MYOM3: variants seen among roughly 807,000 people sequenced by gnomAD.
The protein encoded by MYOM3 is myomesin-3.
MYOM3 carries 155 observed loss-of-function variants against 191.7 expected under a neutral mutation model. The observed-to-expected ratio is 0.81, with a 90% CI of 0.71 to 0.92. MYOM3 has a LOEUF of 0.92. Among genes scored for constraint, MYOM3 ranks in the 40% least tolerant of loss-of-function variants. The probability of loss-of-function intolerance (pLI) is 0.00; values close to 1 mark genes in which losing one functional copy is unlikely to be tolerated. For missense variants in MYOM3, 1,889 were observed against 1,890.6 expected (o/e 1.00, Z 0.02); for synonymous variants, 757 against 762.9 (o/e 0.99, Z 0.13).
chr1:24,108,255 C>T (rs1644004479), intron 2 of MYOM3, 182 bp from the exon 3 acceptor site: 4 of 753,680 alleles, frequency 5.3e-6, no homozygotes, highest in East Asian at 2.8e-5. Context: ...TGCTTCCCTC[C>T]TCAAACAGGG....
rs1368100820 is a variant in MYOM3 at position 24,075,362 on chromosome 1, G to A, written c.2815C>T (p.Pro939Ser). ...EFQWSKDYKG[P>S]LDPQRVKIED... ...ATCTTGACCCTCTGGGGGTCCAGTG[G>A]GCCCTTGTAGTCTTTGGACCACTGA... Residue 939 changes from proline (P) to serine (S), a missense_variant, in exon 22 of 37, where the codon CCA becomes TCA. Physicochemically the swap from Pro to Ser is moderately conservative, Grantham distance 74 (BLOSUM62 -1). Transcript: ENST00000374434. 6.2e-7 allele frequency: 1 copy of A among 1,612,876 alleles called. No homozygotes were observed.
intron 32 of MYOM3, among the ~76,000 whole-genome samples, chr1:24,062,723 T>C (rs4648931): frequency 6.6e-6 from 1 of 151,992 alleles, no homozygotes; most frequent in Non-Finnish European, 1.5e-5. Context: ...GTTTGCTAAG[T>C]CTGCAGAGGC....
intron 16 of MYOM3, chr1:24,084,058 G>A (rs980490718): frequency 5.3e-6 from 1 of 187,484 alleles, no homozygotes; most frequent in Non-Finnish European, 1.1e-5. Context: ...AGGAAGAGGG[G>A]TGATCTGGTT....
chr1:24,057,293 T>G lies in MYOM3; in HGVS notation c.*71A>C, dbSNP rs1643313259. Reference sequence around the variant, plus strand: ...CCCACCCCTGTAGCCTGTGCCAGGCTGTGACCCTGGTACAGGTTGTCCCTA... The same window carrying G: ...CCCACCCCTGTAGCCTGTGCCAGGCGGTGACCCTGGTACAGGTTGTCCCTA... On this transcript the variant is annotated 3_prime_UTR_variant, in exon 37 of 37. Coordinates refer to ENST00000374434, the MANE Select transcript of MYOM3 (RefSeq NM_152372.4). 2 of 1,514,644 alleles carry G rather than the reference T, an allele frequency of 1.3e-6. No individual in the cohort carries two copies. The highest frequency in any genetic ancestry group is 1.8e-5 in the Admixed American group (1 of 56,550). The allele number at this position is 1,514,644 out of a possible 1,614,324, so 93.8% of individuals were successfully genotyped here.
rs1277901904 is a variant in MYOM3, at chr1:24,106,970, G to A, written c.402+103C>T. 5.0e-6 allele frequency: 6 copies of A among 1,210,738 alleles called. No homozygotes were observed. In the Admixed American group the frequency reaches 1.6e-4, roughly 33 times the overall value. The allele number at this position is 1,210,738 out of a possible 1,614,324, so 75.0% of individuals were successfully genotyped here. ...GCATCAGATGCAGACCCAAAGCCTG[G>A]ACTCTGCCCTGGATGTCCCGCCTCT... On this transcript the variant is annotated intron_variant, in intron 4 of 36. Coordinates refer to ENST00000374434, the MANE Select transcript of MYOM3 (RefSeq NM_152372.4).
rs550247481 is a variant in MYOM3, at chr1:24,075,468, A to T, written c.2709T>A (p.His903Gln). ...PVLLEDKPGA[H>Q]EIEVGVDEEG... The stretch of plus-strand genomic sequence containing the variant: ...CTTCATCCACACCAACCTCGATCTC[A>T]TGGGCACCTGAGGGCGAGATCCAAC... The change falls in exon 22 of 37, where the codon CAT becomes CAA. Residue 903 changes from histidine to glutamine, a missense_variant. Transcript: ENST00000374434. 1.3e-6 allele frequency: 2 copies of T among 1,544,488 alleles called. No individual in the cohort carries two copies. Among genetic ancestry groups the T allele is most frequent in the East Asian group, 2.3e-5 (1 of 43,510 alleles).
intron 19 of MYOM3, 92 bp from the exon 20 acceptor site, chr1:24,080,286 C>CT: frequency 1.0e-6 from 1 of 1,001,104 alleles, no homozygotes. Context: ...AGTCAACAAG[C>CT]TTGTCAATCC....
At position 24,097,972 on chromosome 1, in the gene MYOM3, C is replaced by T; in HGVS notation, c.696G>A (p.Val232=). 2 of 1,614,022 alleles carry T rather than the reference C, an allele frequency of 1.2e-6. No individual in the cohort carries two copies. Among genetic ancestry groups the T allele is most frequent in the Non-Finnish European group, 1.7e-6 (2 of 1,179,860 alleles). The change falls in exon 7 of 37, where the codon GTG becomes GTA. Residue 232 remains valine, a synonymous_variant. Transcript: ENST00000374434. Reference sequence around the variant, plus strand: ...AGGAGGCCTGGCCGTGGGCGTTCTTCACTCGCACAGTGTAAGTTGCTGAGT... The same window carrying T: ...AGGAGGCCTGGCCGTGGGCGTTCTTTACTCGCACAGTGTAAGTTGCTGAGT... ...IEDSATYTVR[V]KNAHGQASSF...
chr1:24,102,481 G>T (rs1366538006), intron 5 of MYOM3, among the ~76,000 whole-genome samples: 1 of 152,174 alleles, frequency 6.6e-6, no homozygotes, highest in Non-Finnish European at 1.5e-5. Context: ...CTGGGCCTTA[G>T]TGTCCGCCTG....
intron 15 of MYOM3, among the ~76,000 whole-genome samples, chr1:24,085,147 T>C (rs574246846): frequency 1.6e-4 from 24 of 146,834 alleles, no homozygotes; most frequent in Admixed American, 1.4e-3. Context: ...GATGGACAGA[T>C]GGATGCATGG....
At chr1:24,107,755 C>T (rs1364635141) in intron 3 of MYOM3, among the ~76,000 whole-genome samples, 2 of 152,242 alleles carry the variant, frequency 1.3e-5, no homozygotes, top group Non-Finnish European at 1.5e-5. Context: ...GAAGTAGGCC[C>T]CTACCCTCTT....
rs1363879388 is a variant in MYOM3, at chr1:24,081,939, A to T, written c.2280+62T>A. Reference sequence around the variant, plus strand: ...CTCTGTCAGACTCCAAGACTCAAGCAGTGCCCTCTGGTCGCTGCTAAACAA... The same window carrying T: ...CTCTGTCAGACTCCAAGACTCAAGCTGTGCCCTCTGGTCGCTGCTAAACAA... On this transcript the variant is annotated intron_variant, in intron 18 of 36. Coordinates refer to ENST00000374434, the MANE Select transcript of MYOM3 (RefSeq NM_152372.4). The T allele has an allele frequency of 2.7e-6, 4 of 1,473,240 alleles. No homozygotes were observed. In the East Asian group the frequency reaches 9.2e-5, roughly 34 times the overall value. 91.3% of individuals were successfully genotyped at this position (1,473,240 alleles called of 1,614,324 possible). A position where few individuals can be genotyped will look rare whatever the true frequency, so the allele number is the denominator to read the frequency against.
Position 24,099,724 on chromosome 1 carries a change from G to C in MYOM3, c.612C>G (p.Tyr204Ter), listed in dbSNP as rs1328791419. The change falls in exon 6 of 37, where the codon TAC (tyrosine) becomes TAG (stop). Residue 204 changes from tyrosine (Y) to a stop codon, truncating the protein, a stop_gained. Coordinates refer to ENST00000374434, the MANE Select transcript of MYOM3 (RefSeq NM_152372.4). LOFTEE classifies it high-confidence loss of function. ...GCAGCCCGTAGTTGTTGGTGATTCG[G>C]TATTTTCCGGCACGAAAGAGGCGGG... is the stretch of plus-strand genomic sequence containing the variant. ...IDPRLFRAGK[Y>*]RITNNYGLLS... 6.2e-7 allele frequency: 1 copy of C among 1,614,084 alleles called. No homozygotes were observed. Among genetic ancestry groups the C allele is most frequent in the Non-Finnish European group, 8.5e-7 (1 of 1,180,010 alleles).
At chr1:24,073,409 G>T (rs555793278) in intron 23 of MYOM3, among the ~76,000 whole-genome samples, 2 of 152,174 alleles carry the variant, frequency 1.3e-5, no homozygotes, top group Non-Finnish European at 1.5e-5. Context: ...TCCTTTAGAC[G>T]TGGTATTCAC....
At chr1:24,098,996 G>A (rs79702545) in intron 6 of MYOM3, among the ~76,000 whole-genome samples, 2,596 of 152,268 alleles carry the variant, frequency 0.017, 36 homozygotes, top group Non-Finnish European at 0.026. Context: ...TGGTGGCAGG[G>A]ATTATGGATC....
Position 24,057,616 on chromosome 1 carries a change from C to A in MYOM3, c.4062G>T (p.Leu1354Phe). ...TGGGGTCTCCTGAGACGATGCAAGTCAAGCACAGGGTCTGTTTGAAAAGAC... is the reference window on the plus strand; with the variant it reads ...TGGGGTCTCCTGAGACGATGCAAGTAAAGCACAGGGTCTGTTTGAAAAGAC... ...ATIMEDKTLC[L>F]TCIVSGDPTP... is the part of the protein sequence containing the mutation. Residue 1354 changes from leucine to phenylalanine, a missense_variant, in exon 37 of 37, where the codon TTG becomes TTT. Leu to Phe is a conservative substitution (Grantham distance 22). Coordinates refer to ENST00000374434, the MANE Select transcript of MYOM3 (RefSeq NM_152372.4). 6.2e-7 allele frequency: 1 copy of A among 1,614,032 alleles called. No homozygotes were observed. The highest frequency in any genetic ancestry group is 1.1e-5 in the South Asian group (1 of 91,054).
chr1:24,084,159 C>T (rs1354802401), intron 16 of MYOM3: 5 of 317,566 alleles, frequency 1.6e-5, no homozygotes, highest in Non-Finnish European at 3.0e-5. Flanking sequence ...ATCATGGGGG[C>T]GGATGTCCGC....
chr1:24,074,105 T>G, intron 23 of MYOM3, 55 bp downstream of exon 23: 1 of 1,432,904 alleles, frequency 7.0e-7, no homozygotes, highest in Non-Finnish European at 9.8e-7. Flanking sequence ...TGTGGGCATT[T>G]GTGTTTGGGA....
intron 5 of MYOM3, among the ~76,000 whole-genome samples, chr1:24,101,400 G>A (rs6424154): frequency 0.35 from 53,769 of 152,054 alleles, 9,743 homozygotes; most frequent in Non-Finnish European, 0.37. Context: ...GAATTTCGGG[G>A]GGGTTAGACC....
Sources: allele counts gnomAD v4.1 joint callset (sites outside exome capture counted in the v4.1 genomes callset), GRCh38; gene constraint gnomAD v4.1.1; transcripts MANE v1.5; gene names NCBI Gene and HGNC (gene_info 2026-07-23, HGNC 2026-07-21).